The following NFATC1 variants were observed in gnomAD, a reference collection of about 807,000 sequenced individuals.
NFATC1 encodes the protein nuclear factor of activated T-cells, cytoplasmic 1.
In NFATC1, 22 loss-of-function variants were observed where a neutral mutation model predicts 76.0. The ratio of observed to expected loss-of-function variants is 0.29; its 90% CI spans 0.21 to 0.41. The LOEUF (loss-of-function observed/expected upper bound fraction) is 0.41. NFATC1 is among the 10% of genes least tolerant of loss of function. The pLI is 1.00. For missense variants in NFATC1, 1,357 were observed against 1,337.7 expected (o/e 1.01, Z -0.23); for synonymous variants, 704 against 613.1 (o/e 1.15, Z -2.19).
chr18:79,398,912 C>T (rs955144296), intron 1 of NFATC1, among the ~76,000 whole-genome samples: 12 of 152,194 alleles, frequency 7.9e-5, no homozygotes, highest in Non-Finnish European at 1.8e-4. Context: ...ACTAAAACTA[C>T]AAAAATTAGC....
At chr18:79,525,863 C>T (rs1345985235) in intron 9 of NFATC1, among the ~76,000 whole-genome samples, 2 of 152,228 alleles carry the variant, frequency 1.3e-5, no homozygotes, top group Non-Finnish European at 2.9e-5. Context: ...TTGCAGACGT[C>T]TTTTGTAGCA....
intron 3 of NFATC1, among the ~76,000 whole-genome samples, chr18:79,448,009 C>G (rs954937737): frequency 6.6e-6 from 1 of 152,174 alleles, no homozygotes; most frequent in Non-Finnish European, 1.5e-5. Context: ...TGAGTGGGGC[C>G]CGGCCACTAG....
intron 9 of NFATC1, among the ~76,000 whole-genome samples, chr18:79,487,943 C>T (rs1213702169): frequency 6.6e-6 from 1 of 152,194 alleles, no homozygotes; most frequent in Non-Finnish European, 1.5e-5. Context: ...TGAGTCCTCC[C>T]AAGTGTATGA....
chr18:79,490,090 C>CCCCCCGCCCCCG (rs542531833), intron 9 of NFATC1, among the ~76,000 whole-genome samples: 16 of 152,070 alleles, frequency 1.1e-4, no homozygotes, highest in Admixed American at 5.9e-4. Flanking sequence ...GCCTGATCTC[C>CCCCCCGCCCCCG]CCCCCGCCCC....
At chr18:79,472,927 C>T (rs1050471211) in intron 8 of NFATC1, among the ~76,000 whole-genome samples, 4 of 152,212 alleles carry the variant, frequency 2.6e-5, no homozygotes, top group Admixed American at 6.5e-5. Flanking sequence ...TCTCCTGGCA[C>T]CCCTCGTGCG....
chr18:79,467,962 T>A (rs545387145), intron 8 of NFATC1: 26 of 1,027,324 alleles, frequency 2.5e-5, no homozygotes, highest in Non-Finnish European at 2.8e-5. Flanking sequence ...ATAGCTATTT[T>A]GCAGGCACCT....
rs2090690364 is a variant in NFATC1, at chr18:79,524,257, T to G, written c.2783-3271T>G. Among the ~76,000 whole-genome samples, 1 of 152,078 alleles carries G rather than the reference T, an allele frequency of 6.6e-6. No individual in the cohort carries two copies. The highest frequency in any genetic ancestry group is 1.5e-5 in the Non-Finnish European group (1 of 68,008). On this transcript the variant is annotated intron_variant, in intron 9 of 9. Transcript: ENST00000427363. This position sits in a 1 kb window ranked among gnomAD's most constrained non-coding sequence, Gnocchi z 7.2. ...CCAGGATGGGCCCGTTGTCCACCTG[T>G]GAAAGGGGAAGCCGTGGCTTTCCTC...
At chr18:79,427,285 G>A (rs920582736) in intron 2 of NFATC1, among the ~76,000 whole-genome samples, 2 of 152,170 alleles carry the variant, frequency 1.3e-5, no homozygotes, top group Non-Finnish European at 2.9e-5. Context: ...CCAGGGAAGG[G>A]GGACCAGTAT....
chr18:79,471,355 G>A lies in NFATC1; in HGVS notation c.2092+3773G>A, dbSNP rs201362737. The stretch of plus-strand genomic sequence containing the variant: ...GGTGCACTTGTGCCCCCAGATACAA[G>A]CAGGCAGGGCCGGGAATCTGTCTCG... On this transcript the variant is annotated intron_variant, in intron 8 of 9. Transcript: ENST00000427363. Among the ~76,000 whole-genome samples, 66 of 152,322 alleles carry A rather than the reference G, an allele frequency of 4.3e-4. 1 individual carries two copies. In the East Asian group the frequency reaches 0.012, roughly 28 times the overall value.
At chr18:79,502,506 C>T (rs1178618833) in intron 9 of NFATC1, among the ~76,000 whole-genome samples, 2 of 152,128 alleles carry the variant, frequency 1.3e-5, no homozygotes, top group Non-Finnish European at 2.9e-5. Flanking sequence ...AATTTTTATG[C>T]TTCAAAAGTA....
At chr18:79,485,829 C>T (rs1211282855) in intron 8 of NFATC1, among the ~76,000 whole-genome samples, 1 of 152,248 alleles carries the variant, frequency 6.6e-6, no homozygotes, top group Non-Finnish European at 1.5e-5. Flanking sequence ...TTTACTGACT[C>T]CTGAAAGCCG....
chr18:79,501,049 C>A lies in NFATC1; in HGVS notation c.2782+14112C>A, dbSNP rs148641758. Among the ~76,000 whole-genome samples the A allele has an allele frequency of 5.2e-3, 786 of 152,120 alleles. 2 individuals carry two copies. Among genetic ancestry groups the A allele is most frequent in the Non-Finnish European group, 6.5e-3 (443 of 67,982 alleles). On this transcript the variant is annotated intron_variant, in intron 9 of 9. Transcript: ENST00000427363. ...GTAAGAAAAACTATAGAAAAATATT[C>A]TTTATGAACACAGGAGCAAAAATCC...
chr18:79,397,057 G>C (rs1207077622), intron 1 of NFATC1, among the ~76,000 whole-genome samples: 1 of 152,202 alleles, frequency 6.6e-6, no homozygotes, highest in Non-Finnish European at 1.5e-5. Context: ...AGATGGCACA[G>C]TGTGGGTCCC....
intron 9 of NFATC1, among the ~76,000 whole-genome samples, chr18:79,503,510 G>A (rs1239554247): frequency 4.6e-5 from 7 of 152,170 alleles, no homozygotes; most frequent in Non-Finnish European, 8.8e-5. Context: ...TAAAACCTTC[G>A]GTAAACCATG....
At position 79,524,884 on chromosome 18, in the gene NFATC1, A is replaced by T. The variant is rs1468575566; in HGVS notation, c.2783-2644A>T. On this transcript the variant is annotated intron_variant, in intron 9 of 9. Coordinates refer to ENST00000427363, the MANE Select transcript of NFATC1 (RefSeq NM_001278669.2). This position sits in a 1 kb window ranked among gnomAD's most constrained non-coding sequence, Gnocchi z 7.2. ...ACGCGCCCTCCTGTGCCCGCGGGGAACAAGACGGCTCTCGGCGGCCATGCA... is the reference window on the plus strand; with the variant it reads ...ACGCGCCCTCCTGTGCCCGCGGGGATCAAGACGGCTCTCGGCGGCCATGCA... 6.6e-6 allele frequency among the ~76,000 whole-genome samples: 1 copy of T among 151,808 alleles called. No individual in the cohort carries two copies. The highest frequency in any genetic ancestry group is 2.4e-5 in the African/African-American group (1 of 41,318).
intron 1 of NFATC1, chr18:79,400,571 G>C: frequency 8.7e-7 from 1 of 1,145,396 alleles, no homozygotes; most frequent in Middle Eastern, 3.2e-4. Context: ...GCTCCCCGGG[G>C]ACCCCAGGAG....
chr18:79,501,108 A>C (rs1167827342), intron 9 of NFATC1, among the ~76,000 whole-genome samples: 1 of 152,186 alleles, frequency 6.6e-6, no homozygotes, highest in Non-Finnish European at 1.5e-5. Flanking sequence ...ATCCAACAAC[A>C]TAAAAAAAAG....
At chr18:79,469,549 C>A (rs1335956626) in intron 8 of NFATC1, 1 of 985,846 alleles carries the variant, frequency 1.0e-6, no homozygotes, top group Non-Finnish European at 1.2e-6. Context: ...CAGCCACACT[C>A]CTGCCTCGAT....
intron 9 of NFATC1, among the ~76,000 whole-genome samples, chr18:79,509,063 G>C (rs2090184113): frequency 6.6e-6 from 1 of 152,216 alleles, no homozygotes; most frequent in African/African-American, 2.4e-5. Context: ...AGAAAGCGGA[G>C]AACTAGAGCA....
Sources: gnomAD v4.1 joint callset for allele counts (sites outside exome capture counted in the v4.1 genomes callset) on GRCh38, gnomAD v4.1.1 for gene constraint, Gnocchi (gnomAD v3.1) non-coding constraint, MANE v1.5 for transcripts, NCBI Gene and HGNC (gene_info 2026-07-23, HGNC 2026-07-21) for gene names.